Variants in PHF8 observed in about 807,000 individuals in gnomAD.
The protein encoded by PHF8 is histone lysine demethylase PHF8.
Under a neutral mutation model 74.4 loss-of-function variants are expected in PHF8, and 9 were observed. The observed-to-expected ratio is 0.12, with a 90% CI of 0.07 to 0.21. The LOEUF (loss-of-function observed/expected upper bound fraction) is 0.21. PHF8 is among the 10% of genes least tolerant of loss of function. The pLI is 1.00. For missense variants in PHF8, 478 were observed against 816.6 expected, an observed-to-expected ratio of 0.59 and a Z score of 5.05; for synonymous variants, 311 against 316.6, an observed-to-expected ratio of 0.98 and a Z score of 0.19.
At chrX:53,969,636 T>C (rs1245274220) in intron 18 of PHF8, among the ~76,000 whole-genome samples, 1 of 112,098 alleles carries the variant, frequency 8.9e-6, no homozygotes, top group Admixed American at 9.5e-5. Flanking sequence ...AAAATTCACA[T>C]AAAACTGCAA....
intron 20 of PHF8, chrX:53,943,318 G>C: frequency 1.1e-6 from 1 of 891,030 alleles, no homozygotes; most frequent in East Asian, 3.4e-5. Flanking sequence ...GAAATTTGAA[G>C]TTAGAGGATA....
intron 18 of PHF8, among the ~76,000 whole-genome samples, chrX:53,967,732 A>T (rs1182455017): frequency 1.8e-5 from 2 of 112,967 alleles, no homozygotes; most frequent in African/African-American, 6.5e-5. Flanking sequence ...GTGTGGAAAG[A>T]AGTAGACATG....
chrX:53,970,557 G>C (rs918696043), intron 18 of PHF8, among the ~76,000 whole-genome samples: 1 of 111,484 alleles, frequency 9.0e-6, no homozygotes, highest in South Asian at 3.8e-4. Flanking sequence ...AGAATGGCAA[G>C]CTGGATAGAG....
At chrX:54,044,882 C>G (rs1358566504), upstream of PHF8, 1 of 1,156,910 alleles carries the variant, frequency 8.6e-7, no homozygotes, top group Admixed American at 2.6e-5. Context: ...CACCGCGGCT[C>G]CTGTTCATTG....
chrX:53,967,171 C>T (rs1277803894), intron 18 of PHF8, among the ~76,000 whole-genome samples: 1 of 110,465 alleles, frequency 9.1e-6, no homozygotes, highest in African/African-American at 3.3e-5. Flanking sequence ...GGCCAGCCGC[C>T]CCGTCCGGGA....
At chrX:54,034,058 T>A (rs1188987042) in intron 2 of PHF8, among the ~76,000 whole-genome samples, 1 of 111,807 alleles carries the variant, frequency 8.9e-6, no homozygotes, top group Non-Finnish European at 1.9e-5. Flanking sequence ...GTAACTTAAA[T>A]GAAAATTCAA....
At chrX:54,002,367 ACT>A (rs1319568780) in intron 9 of PHF8, 106 bp from the exon 10 acceptor site, 6 of 581,247 alleles carry the variant, frequency 1.0e-5, no homozygotes, top group East Asian at 3.5e-5. Flanking sequence ...CCTCAAAATG[ACT>A]CTGCAAGATC....
At chrX:54,005,181 A>G (rs1029449734) in intron 8 of PHF8, among the ~76,000 whole-genome samples, 16 of 111,081 alleles carry the variant, frequency 1.4e-4, no homozygotes, top group Non-Finnish European at 3.0e-4. Context: ...TCAAGAAATA[A>G]TGGCAGCCTG....
At position 53,993,586 on chromosome X, in the gene PHF8, T is replaced by C. The variant is rs782775610; in HGVS notation, c.1626+15A>G. Reference sequence around the variant, plus strand: ...ACCCAAAAGGGTTGGGCTGAACCCATGGGCCAGCACCCACCTTTGCTTTCT... The same window carrying C: ...ACCCAAAAGGGTTGGGCTGAACCCACGGGCCAGCACCCACCTTTGCTTTCT... On this transcript the variant is annotated intron_variant, in intron 13 of 21. Transcript: ENST00000338154. 3 of 1,199,074 alleles carry C rather than the reference T, an allele frequency of 2.5e-6. No individual in the cohort carries two copies. Among genetic ancestry groups the C allele is most frequent in the Admixed American group, 2.2e-5 (1 of 45,908 alleles).
At chrX:53,946,801 A>G (rs955052617) in intron 19 of PHF8, among the ~76,000 whole-genome samples, 1 of 112,373 alleles carries the variant, frequency 8.9e-6, no homozygotes, top group Non-Finnish European at 1.9e-5. Flanking sequence ...GTTATGTATA[A>G]TAACAGGTTG....
chrX:54,026,262 G>A (rs2066264423), intron 2 of PHF8, among the ~76,000 whole-genome samples: 1 of 106,566 alleles, frequency 9.4e-6, no homozygotes, highest in South Asian at 4.2e-4. Flanking sequence ...GCTGAGGCAG[G>A]AGAACAGCTT....
Position 53,938,756 on chromosome X carries a change from G to C in PHF8, c.*402C>G. The stretch of plus-strand genomic sequence containing the variant: ...GGCTTCTGGATATAGGGCTAGAGTT[G>C]CAGAAAGTGTCAAGCACTGGGCTTC... On this transcript the variant is annotated 3_prime_UTR_variant, in exon 22 of 22. Transcript: ENST00000338154. 1.3e-6 allele frequency: 1 copy of C among 770,965 alleles called. No individual in the cohort carries two copies. The highest frequency in any genetic ancestry group is 6.5e-5 in the South Asian group (1 of 15,294). The allele number at this position is 770,965 out of a possible 1,213,427, so 63.5% of individuals were successfully genotyped here. A position where few individuals can be genotyped will look rare whatever the true frequency, so the allele number is the denominator to read the frequency against.
intron 14 of PHF8, among the ~76,000 whole-genome samples, 199 bp downstream of exon 14, chrX:53,992,537 C>T (rs1236880484): frequency 9.0e-6 from 1 of 111,503 alleles, no homozygotes; most frequent in African/African-American, 3.3e-5. Context: ...CGATTTCAGA[C>T]CTCTCACTCT....
intron 18 of PHF8, among the ~76,000 whole-genome samples, chrX:53,969,478 C>A (rs782302129): frequency 4.5e-5 from 5 of 111,352 alleles, no homozygotes; most frequent in Middle Eastern, 4.6e-3. Context: ...AGGGGACACA[C>A]AAAAAATGGA....
chrX:53,962,045 C>G (rs1159098415), intron 19 of PHF8, among the ~76,000 whole-genome samples: 1 of 111,805 alleles, frequency 8.9e-6, no homozygotes. Context: ...TGCTAGAAAC[C>G]TTTCTGCCAC....
At chrX:54,040,481 TTAAA>T (rs1557115561) in intron 2 of PHF8, among the ~76,000 whole-genome samples, 1 of 112,038 alleles carries the variant, frequency 8.9e-6, no homozygotes, top group Admixed American at 9.5e-5. Context: ...TATGATATGA[TTAAA>T]TAATTACTTT....
chrX:53,949,099 G>A lies in PHF8; in HGVS notation c.2540-4856C>T. Among the ~76,000 whole-genome samples the A allele has an allele frequency of 6.4e-5, 7 of 109,979 alleles. 1 individual carries two copies. On this transcript the variant is annotated intron_variant, in intron 19 of 21. Transcript: ENST00000338154. ...TTGTCATAATACACTTTGGGAGGCC[G>A]AGGTGAGCGGATCACCTGAGGTCAG...
chrX:54,019,378 G>A (rs2066126945), intron 4 of PHF8, among the ~76,000 whole-genome samples: 1 of 110,141 alleles, frequency 9.1e-6, no homozygotes, highest in African/African-American at 3.3e-5. Context: ...TGGGAAGATG[G>A]ATTAAGCTAG....
chrX:53,955,557 C>CTTTTTT (rs369969712), intron 19 of PHF8, among the ~76,000 whole-genome samples: 208 of 71,485 alleles, frequency 2.9e-3, no homozygotes, highest in Middle Eastern at 7.8e-3. Context: ...CTCTTCTTTT[C>CTTTTTT]TTTTTTTTTT....
Sources: allele counts gnomAD v4.1 joint callset (sites outside exome capture counted in the v4.1 genomes callset), GRCh38; gene constraint gnomAD v4.1.1; transcripts MANE v1.5; gene names NCBI Gene and HGNC (gene_info 2026-07-23, HGNC 2026-07-21).